Variants in PRTFDC1 observed in about 807,000 individuals in gnomAD.
PRTFDC1 encodes the protein phosphoribosyl transferase domain containing 1.
Under a neutral mutation model 34.6 loss-of-function variants are expected in PRTFDC1, and 38 were observed. The observed-to-expected ratio is 1.10, with a 90% CI of 0.85 to 1.44. The LOEUF (loss-of-function observed/expected upper bound fraction) is 1.44. Ranked by LOEUF, PRTFDC1 falls within the 40% of genes most tolerant of loss-of-function variation. The probability of loss-of-function intolerance (pLI) is 0.00; values close to 1 mark genes in which losing one functional copy is unlikely to be tolerated. For missense variants in PRTFDC1, 270 were observed against 283.0 expected (o/e 0.95, Z 0.33); for synonymous variants, 93 against 98.1 (o/e 0.95, Z 0.31).
At chr10:24,948,320 G>A (rs1254261729) in intron 1 of PRTFDC1, among the ~76,000 whole-genome samples, 3 of 151,958 alleles carry the variant, frequency 2.0e-5, no homozygotes, top group African/African-American at 4.8e-5. Flanking sequence ...CTAATAACCC[G>A]ATCCCCAAAA....
intron 3 of PRTFDC1, among the ~76,000 whole-genome samples, chr10:24,882,203 T>G (rs1588589117): frequency 7.5e-5 from 1 of 13,350 alleles, no homozygotes; most frequent in East Asian, 1.2e-3. Context: ...CGGATCTGCC[T>G]CAAAAAAAAA....
At chr10:24,858,668 C>T (rs1319383847) in intron 4 of PRTFDC1, among the ~76,000 whole-genome samples, 1 of 152,192 alleles carries the variant, frequency 6.6e-6, no homozygotes, top group African/African-American at 2.4e-5. Flanking sequence ...GACGAGCTCT[C>T]CATAAAGTCA....
chr10:24,850,834 C>T (rs1323912159), intron 8 of PRTFDC1, among the ~76,000 whole-genome samples: 8 of 152,170 alleles, frequency 5.3e-5, no homozygotes, highest in African/African-American at 1.7e-4. Flanking sequence ...GTCTCTGTGA[C>T]TTTTGGTTTA....
rs771475828 is a variant in PRTFDC1, at chr10:24,855,304, TG to T, written c.553+13del. 1.9e-5 allele frequency: 30 copies of T among 1,609,970 alleles called. No individual in the cohort carries two copies. The South Asian group carries it at 3.3e-4, about 18-fold the overall frequency. On this transcript the variant is annotated intron_variant, in intron 7 of 8. Transcript: ENST00000320152. ...ACAAACAAACAAACAAACAAAAAAC[TG>T]AAAAACACTTACAGTCAGGTCTAAA...
intron 4 of PRTFDC1, 58 bp from the exon 5 acceptor site, chr10:24,858,467 A>G (rs962347385): frequency 1.9e-5 from 29 of 1,565,650 alleles, no homozygotes; most frequent in Admixed American, 1.3e-4. Context: ...CACAGGATAC[A>G]TACACATTTT....
At chr10:24,856,612 C>CA (rs1038417836) in intron 6 of PRTFDC1, among the ~76,000 whole-genome samples, 4 of 151,812 alleles carry the variant, frequency 2.6e-5, no homozygotes, top group Admixed American at 2.6e-4. Flanking sequence ...AAACAAAGAA[C>CA]AAAAAAAATG....
chr10:24,856,631 G>A (rs561317477), intron 6 of PRTFDC1, among the ~76,000 whole-genome samples: 68 of 152,124 alleles, frequency 4.5e-4, no homozygotes, highest in African/African-American at 1.4e-3. Context: ...TGAAGGGAGC[G>A]GAGCAATTGC....
At position 24,851,482 on chromosome 10, in the gene PRTFDC1, G is replaced by GA; in HGVS notation, c.554-19dup. 6.3e-7 allele frequency: 1 copy of GA among 1,578,030 alleles called. No homozygotes were observed. The highest frequency in any genetic ancestry group is 1.9e-5 in the Admixed American group (1 of 52,858). ...TCCAGCATCTTAGCAGACAGAGAAA[G>GA]AGAAAAAAAAAAAGGAACAAAATTT... On this transcript the variant is annotated intron_variant, in intron 7 of 8. Coordinates refer to ENST00000320152, the MANE Select transcript of PRTFDC1 (RefSeq NM_020200.7).
At chr10:24,886,484 C>G (rs899200481) in intron 3 of PRTFDC1, among the ~76,000 whole-genome samples, 1 of 152,138 alleles carries the variant, frequency 6.6e-6, no homozygotes, top group South Asian at 2.1e-4. Context: ...CGGCAGCTTC[C>G]GTATTGGCCT....
Position 24,952,471 on chromosome 10 carries a change from G to A in PRTFDC1, c.48+57C>T. 6.6e-7 allele frequency: 1 copy of A among 1,520,786 alleles called. No homozygotes were observed. The highest frequency in any genetic ancestry group is 8.9e-7 in the Non-Finnish European group (1 of 1,118,006). The allele number at this position is 1,520,786 out of a possible 1,614,324, so 94.2% of individuals were successfully genotyped here. ...ACGGCAAGCATTTAATCTACAAGCA[G>A]GGTGCCAGGGAGGGAGGGGAGCGGG... On this transcript the variant is annotated intron_variant, in intron 1 of 8. Transcript: ENST00000320152. The surrounding 1 kb of genome is among the most constrained non-coding windows in gnomAD (Gnocchi z 5.1).
At chr10:24,930,072 C>T (rs1848948305) in intron 3 of PRTFDC1, among the ~76,000 whole-genome samples, 2 of 146,784 alleles carry the variant, frequency 1.4e-5, no homozygotes, top group Non-Finnish European at 3.0e-5. Flanking sequence ...TGTACACACA[C>T]ACAAACACAC....
intron 4 of PRTFDC1, among the ~76,000 whole-genome samples, chr10:24,865,172 G>A (rs1847754704): frequency 6.6e-6 from 1 of 152,070 alleles, no homozygotes; most frequent in Non-Finnish European, 1.5e-5. Flanking sequence ...CTGGCATCTA[G>A]TAGGTACTCA....
intron 3 of PRTFDC1, among the ~76,000 whole-genome samples, chr10:24,874,062 T>C (rs760869229): frequency 1.5e-4 from 23 of 151,620 alleles, no homozygotes; most frequent in Non-Finnish European, 2.5e-4. Context: ...TGCTCACCAC[T>C]ATGCCTGGCC....
intron 2 of PRTFDC1, among the ~76,000 whole-genome samples, chr10:24,940,587 C>A (rs1048534616): frequency 3.3e-5 from 5 of 152,166 alleles, no homozygotes; most frequent in Non-Finnish European, 7.3e-5. Context: ...AAACTGAAAC[C>A]TTCATATGCT....
intron 3 of PRTFDC1, among the ~76,000 whole-genome samples, chr10:24,935,480 A>G (rs1033980296): frequency 3.3e-5 from 5 of 152,160 alleles, no homozygotes; most frequent in Admixed American, 1.3e-4. Context: ...AGAAATCAGA[A>G]CTAATTTCCA....
At chr10:24,939,988 A>G (rs1370873709) in intron 2 of PRTFDC1, among the ~76,000 whole-genome samples, 1 of 152,092 alleles carries the variant, frequency 6.6e-6, no homozygotes, top group African/African-American at 2.4e-5. Flanking sequence ...ATTACACAAT[A>G]ATAAGGAGGT....
Position 24,937,369 on chromosome 10 carries a change from T to C in PRTFDC1, c.156-2A>G. On this transcript the variant is annotated splice_acceptor_variant, in intron 2 of 8. Transcript: ENST00000320152. LOFTEE classifies it high-confidence loss of function. Reference sequence around the variant, plus strand: ...ATATCCTTGGCCAGCCGCTCAATTCTGAAAGAAGGATAAAAGATATATTAA... The same window carrying C: ...ATATCCTTGGCCAGCCGCTCAATTCCGAAAGAAGGATAAAAGATATATTAA... The C allele has an allele frequency of 2.5e-6, 4 of 1,603,916 alleles. No homozygotes were observed. Among genetic ancestry groups the C allele is most frequent in the South Asian group, 1.1e-5 (1 of 88,528 alleles).
chr10:24,854,221 ACT>A (rs962239389), intron 7 of PRTFDC1, among the ~76,000 whole-genome samples: 22 of 152,232 alleles, frequency 1.4e-4, no homozygotes, highest in African/African-American at 5.3e-4. Context: ...TTATTTATAC[ACT>A]GAGTATCCTG....
chr10:24,857,038 C>T (rs1368788350), intron 5 of PRTFDC1, 43 bp from the exon 6 acceptor site: 2 of 1,494,912 alleles, frequency 1.3e-6, no homozygotes, highest in East Asian at 2.3e-5. Context: ...TGCATTTGAG[C>T]AGCACAATAG....
Sources: allele counts gnomAD v4.1 joint callset (sites outside exome capture counted in the v4.1 genomes callset), GRCh38; gene constraint gnomAD v4.1.1; non-coding constraint Gnocchi (gnomAD v3.1); transcripts MANE v1.5; gene names NCBI Gene and HGNC (gene_info 2026-07-23, HGNC 2026-07-21).